Variants in GLI3 observed in about 807,000 individuals in gnomAD.
GLI3 encodes the protein GLI family zinc finger 3.
A neutral mutation model predicts 100.8 loss-of-function variants in GLI3; 20 were observed. The ratio of observed to expected loss-of-function variants is 0.20; its 90% CI spans 0.14 to 0.29. The LOEUF (loss-of-function observed/expected upper bound fraction) is 0.29. Ranked by LOEUF, GLI3 falls within the 10% of genes least tolerant of loss-of-function variation. The probability of loss-of-function intolerance (pLI) is 1.00; values close to 1 mark genes in which losing one functional copy is unlikely to be tolerated. For missense variants in GLI3, 2,040 were observed against 2,128.5 expected, an observed-to-expected ratio of 0.96 and a Z score of 0.82; for synonymous variants, 938 against 860.5, an observed-to-expected ratio of 1.09 and a Z score of -1.58.
chr7:42,228,937 A>C (rs1207692381), intron 1 of GLI3, among the ~76,000 whole-genome samples: 2 of 152,206 alleles, frequency 1.3e-5, no homozygotes, highest in African/African-American at 2.4e-5. Flanking sequence ...ATGAAAAGTC[A>C]CAAGTGTGGG....
intron 10 of GLI3, among the ~76,000 whole-genome samples, chr7:42,018,943 G>A (rs547677168): frequency 5.1e-4 from 77 of 152,322 alleles, no homozygotes; most frequent in Admixed American, 1.4e-3. Flanking sequence ...CCCCCAGTGC[G>A]ATTGCCAAGG....
rs576371426 is a variant in GLI3 at position 41,972,802 on chromosome 7, C to A, written c.1813-175G>T. Reference sequence around the variant, plus strand: ...ATAGTTTAATAAGGCCATTAGAACACTGTTCCGTGTCCATAGAATTTAGCT... The same window carrying A: ...ATAGTTTAATAAGGCCATTAGAACAATGTTCCGTGTCCATAGAATTTAGCT... On this transcript the variant is annotated intron_variant, in intron 12 of 14. Coordinates refer to ENST00000395925, the MANE Select transcript of GLI3 (RefSeq NM_000168.6). The surrounding 1 kb of genome is among the most constrained non-coding windows in gnomAD (Gnocchi z 4.4). Among the ~76,000 whole-genome samples, 68 of 152,354 alleles carry A rather than the reference C, an allele frequency of 4.5e-4. 1 individual carries two copies. In the South Asian group the frequency reaches 0.013, roughly 29 times the overall value.
intron 3 of GLI3, among the ~76,000 whole-genome samples, chr7:42,111,864 A>C (rs954072967): frequency 2.6e-5 from 4 of 152,164 alleles, no homozygotes; most frequent in African/African-American, 9.7e-5. Flanking sequence ...AAAACACTAG[A>C]TGACCCATTG....
intron 7 of GLI3, among the ~76,000 whole-genome samples, chr7:42,039,648 C>T (rs1784089765): frequency 6.6e-6 from 1 of 152,170 alleles, no homozygotes. Flanking sequence ...CATGACTGGT[C>T]TTTTTATTTT....
intron 1 of GLI3, among the ~76,000 whole-genome samples, chr7:42,256,080 T>C (rs1789081875): frequency 6.6e-6 from 1 of 152,208 alleles, no homozygotes; most frequent in Admixed American, 6.5e-5. Context: ...TCTTTTTATG[T>C]GTTCATTAGC....
At chr7:42,250,676 C>A (rs1450345008) in intron 1 of GLI3, among the ~76,000 whole-genome samples, 1 of 152,172 alleles carries the variant, frequency 6.6e-6, no homozygotes, top group Non-Finnish European at 1.5e-5. Flanking sequence ...AGTGCTCTAA[C>A]CTTACTCTGA....
chr7:42,206,336 C>T (rs993459013), intron 2 of GLI3, among the ~76,000 whole-genome samples: 10 of 151,750 alleles, frequency 6.6e-5, no homozygotes, highest in African/African-American at 1.9e-4. Flanking sequence ...TTAATCATGA[C>T]GTATTTCAGA....
intron 4 of GLI3, among the ~76,000 whole-genome samples, chr7:42,060,919 T>C (rs1238773704): frequency 1.3e-5 from 2 of 152,178 alleles, no homozygotes; most frequent in East Asian, 1.9e-4. Context: ...ACACATCAAG[T>C]GTAAGGGAAA....
chr7:42,059,000 G>T (rs1312523635), intron 4 of GLI3, among the ~76,000 whole-genome samples: 2 of 152,294 alleles, frequency 1.3e-5, no homozygotes, highest in Admixed American at 1.3e-4. Flanking sequence ...GTTCAAATAA[G>T]TACTTGAGAG....
At chr7:42,126,113 T>C (rs949598932) in intron 3 of GLI3, among the ~76,000 whole-genome samples, 1 of 152,200 alleles carries the variant, frequency 6.6e-6, no homozygotes, top group Non-Finnish European at 1.5e-5. Flanking sequence ...GTTTGAAACC[T>C]GAATGGTAAA....
chr7:42,225,608 G>A (rs987468222), intron 1 of GLI3, among the ~76,000 whole-genome samples: 3 of 152,166 alleles, frequency 2.0e-5, no homozygotes, highest in African/African-American at 4.8e-5. Context: ...TGATCCACCC[G>A]CCTCGGCCTC....
At chr7:42,079,024 C>G (rs542396969) in intron 3 of GLI3, among the ~76,000 whole-genome samples, 1 of 152,086 alleles carries the variant, frequency 6.6e-6, no homozygotes, top group East Asian at 1.9e-4. Flanking sequence ...CCACCGCGCC[C>G]GGCCTCATTT....
At chr7:42,250,748 A>C (rs964079089) in intron 1 of GLI3, among the ~76,000 whole-genome samples, 1 of 152,190 alleles carries the variant, frequency 6.6e-6, no homozygotes, top group South Asian at 2.1e-4. Context: ...GTGGATTTGT[A>C]TGGAGGAAAA....
chr7:41,986,524 C>T (rs181818266), intron 10 of GLI3, among the ~76,000 whole-genome samples: 6 of 148,372 alleles, frequency 4.0e-5, no homozygotes, highest in East Asian at 4.1e-4. Context: ...GAATGAAATA[C>T]GCATACACAT....
intron 1 of GLI3, among the ~76,000 whole-genome samples, chr7:42,236,713 G>A (rs1189200036): frequency 6.6e-6 from 1 of 152,232 alleles, no homozygotes; most frequent in Non-Finnish European, 1.5e-5. Flanking sequence ...CCCCCTCCGG[G>A]AGGTGAAATT....
chr7:42,198,771 T>TAC (rs906325525), intron 2 of GLI3, among the ~76,000 whole-genome samples: 59 of 150,170 alleles, frequency 3.9e-4, no homozygotes, highest in African/African-American at 1.2e-3. Flanking sequence ...CACACACACA[T>TAC]ACACACACAC....
In GLI3 at chr7:42,217,225, G is replaced by T. The variant is rs184382468; in HGVS notation, c.124+5905C>A. On this transcript the variant is annotated intron_variant, in intron 2 of 14. Transcript: ENST00000395925. ...GAAAATCTAACAGGACCTCAAAACCGGTAGGACATGGGAGCAGGAGAGAAG... is the reference window on the plus strand; with the variant it reads ...GAAAATCTAACAGGACCTCAAAACCTGTAGGACATGGGAGCAGGAGAGAAG... Among the ~76,000 whole-genome samples, 298 of 152,236 alleles carry T rather than the reference G, an allele frequency of 2.0e-3. 1 individual carries two copies. Among genetic ancestry groups the T allele is most frequent in the African/African-American group, 6.7e-3 (280 of 41,550 alleles).
At chr7:42,262,197 TTTCCTTCCTTCTTTCC>T (rs1383496966) in intron 1 of GLI3, among the ~76,000 whole-genome samples, 6 of 33,556 alleles carry the variant, frequency 1.8e-4, no homozygotes, top group Non-Finnish European at 4.7e-4. Context: ...TTTTATTTTT[TTTCCTTCCTTCTTTCC>T]TTCCTTCCTT....
At chr7:42,041,656 T>A (rs1308214777) in intron 6 of GLI3, among the ~76,000 whole-genome samples, 2 of 152,016 alleles carry the variant, frequency 1.3e-5, no homozygotes, top group African/African-American at 2.4e-5. Flanking sequence ...TAAAAAAAAA[T>A]GTCCAGGCTC....
Sources: allele counts gnomAD v4.1 joint callset (sites outside exome capture counted in the v4.1 genomes callset), GRCh38; gene constraint gnomAD v4.1.1; non-coding constraint Gnocchi (gnomAD v3.1); transcripts MANE v1.5; gene names NCBI Gene and HGNC (gene_info 2026-07-23, HGNC 2026-07-21).